The following SIRT5 variants were observed in gnomAD, a reference collection of about 807,000 sequenced individuals.
SIRT5 encodes the protein sirtuin 5.
In SIRT5, 26 loss-of-function variants were observed where a neutral mutation model predicts 40.0. That is an observed-to-expected ratio of 0.65 (90% confidence interval 0.48 to 0.90). SIRT5 has a LOEUF of 0.90. Ranked by LOEUF, SIRT5 falls within the 40% of genes least tolerant of loss-of-function variation. SIRT5 has a pLI of 0.00. For missense variants in SIRT5, 401 were observed against 402.4 expected (o/e 1.00, Z 0.03); for synonymous variants, 146 against 149.1 (o/e 0.98, Z 0.15).
intron 1 of SIRT5, among the ~76,000 whole-genome samples, chr6:13,577,015 G>A (rs887951406): frequency 3.3e-5 from 5 of 152,080 alleles, no homozygotes; most frequent in Non-Finnish European, 5.9e-5. Context: ...TTGATGTGCC[G>A]ATTTTTATGC....
intron 5 of SIRT5, among the ~76,000 whole-genome samples, chr6:13,592,227 T>C (rs571842255): frequency 4.9e-4 from 74 of 152,202 alleles, no homozygotes; most frequent in South Asian, 1.0e-3. Flanking sequence ...CCCCACTGAA[T>C]CAGAATCTGC....
At chr6:13,596,788 C>A (rs923772133) in intron 6 of SIRT5, among the ~76,000 whole-genome samples, 175 bp from the exon 7 acceptor site, 18 of 152,160 alleles carry the variant, frequency 1.2e-4, no homozygotes, top group African/African-American at 4.3e-4. Context: ...TGCCCAGCAC[C>A]ACTGGTAATT....
At chr6:13,596,895 GT>G in intron 6 of SIRT5, 67 bp from the exon 7 acceptor site, 1 of 1,282,244 alleles carries the variant, frequency 7.8e-7, no homozygotes. Flanking sequence ...TACAAACTGA[GT>G]TATGTTGTTT....
chr6:13,604,811 A>C (rs1230620196), intron 9 of SIRT5: 4 of 1,112,292 alleles, frequency 3.6e-6, no homozygotes, highest in African/African-American at 1.7e-5. Flanking sequence ...ACTTCAGCCA[A>C]AATTCTTCAG....
chr6:13,576,377 T>C (rs1312806361), intron 1 of SIRT5, among the ~76,000 whole-genome samples: 4 of 152,236 alleles, frequency 2.6e-5, no homozygotes, highest in Non-Finnish European at 5.9e-5. Context: ...CTCAGTGTGA[T>C]TTAATTTGCA....
upstream of SIRT5, chr6:13,574,454 C>T (rs1758298535): frequency 6.6e-6 from 1 of 152,182 alleles, no homozygotes; most frequent in African/African-American, 2.4e-5. Context: ...TGGCACCGGT[C>T]CGCGGTGCGC....
At chr6:13,578,165 G>A (rs1758863306) in intron 1 of SIRT5, among the ~76,000 whole-genome samples, 1 of 152,104 alleles carries the variant, frequency 6.6e-6, no homozygotes, top group Admixed American at 6.5e-5. Flanking sequence ...CAATCATGAT[G>A]AATGATCCTT....
chr6:13,596,302 GAGA>G (rs1761560813), intron 6 of SIRT5, among the ~76,000 whole-genome samples: 1 of 152,078 alleles, frequency 6.6e-6, no homozygotes, highest in South Asian at 2.1e-4. Flanking sequence ...ACACAATATT[GAGA>G]AAAATTCCAC....
chr6:13,598,959 C>A, intron 7 of SIRT5, 73 bp from the exon 8 acceptor site: 2 of 1,567,940 alleles, frequency 1.3e-6, no homozygotes, highest in Non-Finnish European at 1.7e-6. Flanking sequence ...AGGTTTGGGG[C>A]AGCCCCTGGC....
intron 2 of SIRT5, among the ~76,000 whole-genome samples, chr6:13,580,778 C>T (rs959970391): frequency 6.6e-6 from 1 of 152,174 alleles, no homozygotes; most frequent in African/African-American, 2.4e-5. Context: ...AAGTGATCCT[C>T]CTACCTCAGC....
chr6:13,584,323 G>A (rs1323469034), intron 3 of SIRT5, 98 bp downstream of exon 3: 5 of 899,814 alleles, frequency 5.6e-6, no homozygotes, highest in Non-Finnish European at 9.1e-6. Context: ...TAGGTATTGG[G>A]CAAGGTTTTG....
At chr6:13,582,725 T>G (rs1457692690) in intron 2 of SIRT5, among the ~76,000 whole-genome samples, 1 of 152,204 alleles carries the variant, frequency 6.6e-6, no homozygotes, top group Non-Finnish European at 1.5e-5. Flanking sequence ...TCAGTGTCAT[T>G]GTTCCAAATG....
At chr6:13,584,656 T>C (rs572448209) in intron 3 of SIRT5, among the ~76,000 whole-genome samples, 17 of 152,190 alleles carry the variant, frequency 1.1e-4, no homozygotes, top group Admixed American at 2.0e-4. Context: ...CCTGTCCTCT[T>C]CTCTTTTAGG....
chr6:13,603,916 G>A (rs921687835), intron 9 of SIRT5, among the ~76,000 whole-genome samples: 1 of 152,208 alleles, frequency 6.6e-6, no homozygotes, highest in African/African-American at 2.4e-5. Flanking sequence ...CCTTGAAAAC[G>A]TTATGCTAAG....
At chr6:13,584,883 AC>A (rs1381102583) in intron 3 of SIRT5, 1 of 152,276 alleles carries the variant, frequency 6.6e-6, no homozygotes, top group Non-Finnish European at 1.5e-5. Flanking sequence ...TTGCAGCTCT[AC>A]CTGGCAAAAA....
At chr6:13,594,880 T>C (rs1761372614) in intron 5 of SIRT5, among the ~76,000 whole-genome samples, 1 of 152,246 alleles carries the variant, frequency 6.6e-6, no homozygotes, top group Non-Finnish European at 1.5e-5. Flanking sequence ...CACTTATTAG[T>C]TGATTACTTA....
rs2127692133 is a variant in SIRT5 at position 13,599,164 on chromosome 6, T to C, written c.741+9T>C. 2.5e-6 allele frequency: 4 copies of C among 1,613,204 alleles called. No individual in the cohort carries two copies. The highest frequency in any genetic ancestry group is 3.4e-6 in the Non-Finnish European group (4 of 1,179,542). On this transcript the variant is annotated intron_variant, in intron 8 of 9. Coordinates refer to ENST00000606117, the MANE Select transcript of SIRT5 (RefSeq NM_012241.5). ...GTGATTTATGTCTAGTGGTGGGTCATGCCCTTCCCTAACCCCAGGACAGGA... is the reference window on the plus strand; with the variant it reads ...GTGATTTATGTCTAGTGGTGGGTCACGCCCTTCCCTAACCCCAGGACAGGA...
chr6:13,599,177 C>A lies in SIRT5; in HGVS notation c.741+22C>A, dbSNP rs768113286. The stretch of plus-strand genomic sequence containing the variant: ...AGTGGTGGGTCATGCCCTTCCCTAA[C>A]CCCAGGACAGGACTGGAGTTTGTTA... On this transcript the variant is annotated intron_variant, in intron 8 of 9. Transcript: ENST00000606117. The A allele has an allele frequency of 2.5e-6, 4 of 1,610,974 alleles. No individual in the cohort carries two copies. The South Asian group carries it at 4.4e-5, about 18-fold the overall frequency.
At chr6:13,602,585 G>A (rs1173216955) in intron 9 of SIRT5, among the ~76,000 whole-genome samples, 1 of 150,898 alleles carries the variant, frequency 6.6e-6, no homozygotes, top group Non-Finnish European at 1.5e-5. Flanking sequence ...AATCAGTGGA[G>A]TAGAATTGAG....
Sources: gnomAD v4.1 joint callset for allele counts (sites outside exome capture counted in the v4.1 genomes callset) on GRCh38, gnomAD v4.1.1 for gene constraint, MANE v1.5 for transcripts, NCBI Gene and HGNC (gene_info 2026-07-23, HGNC 2026-07-21) for gene names.